Variants in CADM2 observed in about 807,000 individuals in gnomAD.
CADM2 encodes cell adhesion molecule 2.
A neutral mutation model predicts 49.8 loss-of-function variants in CADM2; 12 were observed. The observed-to-expected ratio is 0.24, with a 90% CI of 0.15 to 0.39. The LOEUF is 0.39. Ranked by LOEUF, CADM2 falls within the 10% of genes least tolerant of loss-of-function variation. The pLI, the probability that CADM2 is intolerant of heterozygous loss-of-function variation, is 1.00. For synonymous variants in CADM2, 214 were observed against 175.4 expected, an observed-to-expected ratio of 1.22 and a Z score of -1.74; for missense variants, 378 against 492.3, an observed-to-expected ratio of 0.77 and a Z score of 2.20.
chr3:85,624,080 T>G (rs1339388151), intron 1 of CADM2, among the ~76,000 whole-genome samples: 1 of 152,162 alleles, frequency 6.6e-6, no homozygotes. Context: ...AAATATTTAA[T>G]TGGCATATTT....
At chr3:85,744,534 T>A (rs974127193) in intron 2 of CADM2, among the ~76,000 whole-genome samples, 1 of 143,256 alleles carries the variant, frequency 7.0e-6, no homozygotes, top group Non-Finnish European at 1.5e-5. Flanking sequence ...AGATAAATAA[T>A]AAATAAATAA....
intron 8 of CADM2, chr3:86,013,723 G>A (rs1731841563): frequency 1.9e-6 from 3 of 1,596,142 alleles, no homozygotes; most frequent in East Asian, 4.5e-5. Context: ...GAATTTATAG[G>A]TTTTCTGCCT....
intron 1 of CADM2, among the ~76,000 whole-genome samples, chr3:85,578,003 C>CCTTCCTTCCTTCCTTCCTTG (rs2062688676): frequency 6.6e-6 from 1 of 150,654 alleles, no homozygotes; most frequent in African/African-American, 2.4e-5. Context: ...TTCCTTCCTT[C>CCTTCCTTCCTTCCTTCCTTG]CTTCCTTCCT....
At chr3:86,048,734 C>T (rs1736970347) in intron 8 of CADM2, among the ~76,000 whole-genome samples, 1 of 152,100 alleles carries the variant, frequency 6.6e-6, no homozygotes, top group Admixed American at 6.5e-5. Flanking sequence ...CATGACATAA[C>T]TACTGTTATC....
At chr3:85,979,215 C>T in intron 8 of CADM2, 2 of 1,611,072 alleles carry the variant, frequency 1.2e-6, no homozygotes, top group Non-Finnish European at 1.7e-6. Context: ...CTTACCACTG[C>T]AACAGTCACA....
Position 85,922,114 on chromosome 3 carries a change from CCTT to C in CADM2, c.700+9580_700+9582del, listed in dbSNP as rs900177989. ...TCTTCTTCTTCCTCTTCCTTCTCCT[CCTT>C]CTTCTTCTCCTCCTTCTTTTGCTTC... On this transcript the variant is annotated intron_variant, in intron 6 of 9. Transcript: ENST00000383699. Among the ~76,000 whole-genome samples the C allele has an allele frequency of 3.6e-4, 54 of 151,828 alleles. 1 individual carries two copies. Among genetic ancestry groups the C allele is most frequent in the Admixed American group, 1.8e-3 (27 of 15,208 alleles).
At chr3:85,447,881 T>A (rs976028451) in intron 1 of CADM2, among the ~76,000 whole-genome samples, 2 of 152,168 alleles carry the variant, frequency 1.3e-5, no homozygotes, top group African/African-American at 4.8e-5. Flanking sequence ...TTTTTGACAG[T>A]GCAATAATGA....
intron 5 of CADM2, among the ~76,000 whole-genome samples, chr3:85,906,892 T>A (rs1440042713): frequency 6.6e-6 from 1 of 152,198 alleles, no homozygotes; most frequent in African/African-American, 2.4e-5. Context: ...AGTATTGACA[T>A]TTCCTCTAAG....
chr3:85,060,696 A>G (rs1358441836), intron 1 of CADM2, among the ~76,000 whole-genome samples: 1 of 152,162 alleles, frequency 6.6e-6, no homozygotes, highest in Admixed American at 6.6e-5. Flanking sequence ...TGTTCATTTT[A>G]TATTGGAATT....
At chr3:85,059,240 A>C (rs190503013) in intron 1 of CADM2, among the ~76,000 whole-genome samples, 74 of 152,136 alleles carry the variant, frequency 4.9e-4, no homozygotes, top group African/African-American at 1.7e-3. Flanking sequence ...CTATGTCTCA[A>C]AAAATAAATA....
intron 1 of CADM2, among the ~76,000 whole-genome samples, chr3:85,403,782 C>T (rs1559822430): frequency 6.6e-6 from 1 of 152,104 alleles, no homozygotes; most frequent in South Asian, 2.1e-4. Context: ...CTCATAAGTT[C>T]ATCCAGCACA....
At chr3:85,874,832 C>T (rs191011946) in intron 3 of CADM2, among the ~76,000 whole-genome samples, 22 of 152,234 alleles carry the variant, frequency 1.4e-4, no homozygotes, top group Admixed American at 1.4e-3. Flanking sequence ...TATTTTGTCT[C>T]TGTAAGTCTC....
chr3:85,078,940 A>G (rs528745736), intron 1 of CADM2, among the ~76,000 whole-genome samples: 1 of 151,708 alleles, frequency 6.6e-6, no homozygotes, highest in South Asian at 2.1e-4. Flanking sequence ...TAACATTATC[A>G]CTGTTGTAAC....
chr3:86,025,534 C>T (rs1049453499), intron 8 of CADM2, among the ~76,000 whole-genome samples: 24 of 151,854 alleles, frequency 1.6e-4, no homozygotes, highest in African/African-American at 5.6e-4. Context: ...CTTTCATTCA[C>T]ATCTTCATCT....
chr3:85,143,645 T>C (rs2039644930), intron 1 of CADM2, among the ~76,000 whole-genome samples: 1 of 152,194 alleles, frequency 6.6e-6, no homozygotes, highest in South Asian at 2.1e-4. Context: ...ATCCAAAGTA[T>C]CATTTCTATT....
chr3:85,979,956 A>C (rs1473004988), intron 8 of CADM2, among the ~76,000 whole-genome samples: 1 of 151,570 alleles, frequency 6.6e-6, no homozygotes, highest in Non-Finnish European at 1.5e-5. Flanking sequence ...AAAGGTGGGA[A>C]TATCCATAAA....
chr3:86,066,787 G>T lies in CADM2; in HGVS notation c.*4G>T. The stretch of plus-strand genomic sequence containing the variant: ...GAAAAAAGAGTATTTCATTTAAGAT[G>T]CAGGCCAAGATTCTGAGTTTTACTA... On this transcript the variant is annotated 3_prime_UTR_variant, in exon 10 of 10. Coordinates refer to ENST00000383699, the MANE Select transcript of CADM2 (RefSeq NM_001167675.2). The T allele has an allele frequency of 1.9e-6, 3 of 1,585,554 alleles. No homozygotes were observed. Among genetic ancestry groups the T allele is most frequent in the Non-Finnish European group, 1.7e-6 (2 of 1,154,194 alleles).
chr3:85,233,335 G>T (rs754234109), intron 1 of CADM2, among the ~76,000 whole-genome samples: 7 of 152,010 alleles, frequency 4.6e-5, no homozygotes, highest in Non-Finnish European at 8.8e-5. Context: ...GCATTTGTCA[G>T]AACCCATAGG....
chr3:85,155,395 C>T (rs2040075273), intron 1 of CADM2, among the ~76,000 whole-genome samples: 2 of 151,940 alleles, frequency 1.3e-5, no homozygotes, highest in Non-Finnish European at 1.5e-5. Context: ...GCTAACTATC[C>T]TAACTATATA....
Sources: gnomAD v4.1 joint callset for allele counts (sites outside exome capture counted in the v4.1 genomes callset) on GRCh38, gnomAD v4.1.1 for gene constraint, MANE v1.5 for transcripts, NCBI Gene and HGNC (gene_info 2026-07-23, HGNC 2026-07-21) for gene names.